Variants in SEC24B observed in about 807,000 individuals in gnomAD.
The protein encoded by SEC24B is SEC24 homolog B, COPII component.
SEC24B carries 45 observed loss-of-function variants against 142.8 expected under a neutral mutation model. That is an observed-to-expected ratio of 0.32 (90% CI 0.25 to 0.40). The LOEUF is 0.40. Among genes scored for constraint, SEC24B ranks in the 10% least tolerant of loss-of-function variants. The probability of loss-of-function intolerance (pLI) is 1.00; values close to 1 mark genes in which losing one functional copy is unlikely to be tolerated. For missense variants in SEC24B, 1,409 were observed against 1,526.8 expected, an observed-to-expected ratio of 0.92 and a Z score of 1.29; for synonymous variants, 574 against 568.2, an observed-to-expected ratio of 1.01 and a Z score of -0.15.
chr4:109,514,220 C>T (rs1469383290), intron 10 of SEC24B, among the ~76,000 whole-genome samples: 1 of 152,090 alleles, frequency 6.6e-6, no homozygotes, highest in African/African-American at 2.4e-5. Context: ...AGTTTTTTCA[C>T]CAAGATACCA....
intron 3 of SEC24B, among the ~76,000 whole-genome samples, chr4:109,478,051 G>A (rs1383192923): frequency 1.3e-5 from 2 of 152,152 alleles, no homozygotes; most frequent in Non-Finnish European, 2.9e-5. Context: ...GGAGGCAAAG[G>A]TGGGTGGATC....
At chr4:109,434,283 C>A (rs1435306035) in intron 1 of SEC24B, among the ~76,000 whole-genome samples, 5 of 152,102 alleles carry the variant, frequency 3.3e-5, no homozygotes, top group Non-Finnish European at 1.5e-5. Context: ...GTAATGCGAC[C>A]CCAGGCCCGA....
At chr4:109,476,054 T>G (rs1733102044) in intron 3 of SEC24B, among the ~76,000 whole-genome samples, 1 of 151,800 alleles carries the variant, frequency 6.6e-6, no homozygotes, top group Non-Finnish European at 1.5e-5. Context: ...TGGCATGATC[T>G]TGGGTCACTG....
intron 6 of SEC24B, among the ~76,000 whole-genome samples, chr4:109,496,708 G>A (rs1225259391): frequency 6.6e-6 from 1 of 152,170 alleles, no homozygotes; most frequent in African/African-American, 2.4e-5. Flanking sequence ...TAGAACTAAA[G>A]TACAGAGGAA....
intron 1 of SEC24B, among the ~76,000 whole-genome samples, chr4:109,462,575 G>C (rs1731375896): frequency 6.6e-6 from 1 of 152,072 alleles, no homozygotes; most frequent in African/African-American, 2.4e-5. Context: ...CTTTCAGACT[G>C]GGGTATCTGA....
Position 109,512,028 on chromosome 4 carries a change from A to G in SEC24B, c.1848A>G (p.Val616=), listed in dbSNP as rs201330028. The G allele has an allele frequency of 6.2e-7, 1 of 1,613,308 alleles. No homozygotes were observed. Among genetic ancestry groups the G allele is most frequent in the Non-Finnish European group, 8.5e-7 (1 of 1,179,412 alleles). Residue 616 remains valine, a synonymous_variant, in exon 9 of 24, where the codon GTA becomes GTG. Transcript: ENST00000265175. ...RSCRTYINPF[V]SFIDQRRWKC... ...GTCGAACGTATATTAACCCCTTTGT[A>G]TCCTTCATTGATCAACGTAGATGGA...
Position 109,538,621 on chromosome 4 carries a change from T to C in SEC24B, c.3692+25T>C, listed in dbSNP as rs571789667. 14 of 1,423,816 alleles carry C rather than the reference T, an allele frequency of 9.8e-6. No individual in the cohort carries two copies. The African/African-American group carries it at 1.7e-4, about 17-fold the overall frequency. 88.2% of individuals were successfully genotyped at this position (1,423,816 alleles called of 1,614,324 possible). A position where few individuals can be genotyped will look rare whatever the true frequency, so the allele number is the denominator to read the frequency against. ...AGTAAGTACTTTTGTAACTTAATTATGAAGTTGTCTTTCCTATGTAGTCTG... is the reference window on the plus strand; with the variant it reads ...AGTAAGTACTTTTGTAACTTAATTACGAAGTTGTCTTTCCTATGTAGTCTG... On this transcript the variant is annotated intron_variant, in intron 23 of 23. Transcript: ENST00000265175.
chr4:109,468,809 T>G (rs960137821), intron 2 of SEC24B, among the ~76,000 whole-genome samples: 3 of 152,188 alleles, frequency 2.0e-5, no homozygotes, highest in African/African-American at 7.2e-5. Flanking sequence ...TTGAACAACT[T>G]GAATGGGTAG....
chr4:109,434,271 A>C (rs1310574164), intron 1 of SEC24B, among the ~76,000 whole-genome samples: 1 of 152,030 alleles, frequency 6.6e-6, no homozygotes, highest in South Asian at 2.1e-4. Flanking sequence ...GTGGCTGTTT[A>C]TGTAATGCGA....
chr4:109,479,997 T>G (rs570576662), intron 3 of SEC24B, among the ~76,000 whole-genome samples: 14 of 152,296 alleles, frequency 9.2e-5, no homozygotes, highest in African/African-American at 3.4e-4. Flanking sequence ...TTACATTGAT[T>G]TTATTTTATT....
intron 3 of SEC24B, among the ~76,000 whole-genome samples, chr4:109,481,108 GC>G (rs1045759761): frequency 6.6e-6 from 1 of 151,602 alleles, no homozygotes; most frequent in South Asian, 2.1e-4. Flanking sequence ...AAGTCCCCCA[GC>G]CCCCCGTCCC....
In SEC24B at chr4:109,517,885, G is replaced by A. The variant is rs185489008; in HGVS notation, c.2126+1245G>A. On this transcript the variant is annotated intron_variant, in intron 11 of 23. Coordinates refer to ENST00000265175, the MANE Select transcript of SEC24B (RefSeq NM_006323.5). ...AATGAGCTGGTTTAAAGGGAAGGAG[G>A]GAACTGATTTTGTGCTAAATATGTT... Among the ~76,000 whole-genome samples the A allele has an allele frequency of 2.6e-5, 4 of 152,208 alleles. No homozygotes were observed. In the East Asian group the frequency reaches 7.7e-4, roughly 29 times the overall value.
At chr4:109,533,292 C>T (rs1422756062) in intron 21 of SEC24B, among the ~76,000 whole-genome samples, 2 of 152,068 alleles carry the variant, frequency 1.3e-5, no homozygotes, top group African/African-American at 2.4e-5. Context: ...AATACACAGA[C>T]AGTAATGAAA....
At chr4:109,460,308 A>T (rs1463302335) in intron 1 of SEC24B, among the ~76,000 whole-genome samples, 1 of 152,172 alleles carries the variant, frequency 6.6e-6, no homozygotes, top group Non-Finnish European at 1.5e-5. Context: ...ATACATTATT[A>T]TGGCAAGGAG....
chr4:109,453,159 C>G (rs528080809), intron 1 of SEC24B, among the ~76,000 whole-genome samples: 4 of 152,262 alleles, frequency 2.6e-5, no homozygotes, highest in African/African-American at 9.6e-5. Context: ...AGATCCCATG[C>G]TTTAAGGGCA....
At chr4:109,461,282 G>C (rs534847263) in intron 1 of SEC24B, among the ~76,000 whole-genome samples, 1 of 152,272 alleles carries the variant, frequency 6.6e-6, no homozygotes, top group East Asian at 1.9e-4. Context: ...TTATTGATGG[G>C]AGGTATAAAT....
intron 3 of SEC24B, among the ~76,000 whole-genome samples, chr4:109,475,742 C>G (rs567522136): frequency 6.6e-6 from 1 of 151,990 alleles, no homozygotes; most frequent in African/African-American, 2.4e-5. Flanking sequence ...CACAAATACC[C>G]CTTCTTTAAC....
chr4:109,433,990 C>T lies in SEC24B; in HGVS notation c.121C>T (p.His41Tyr). ...PAGPGAGPAP[H>Y]QQNGPAQNQM... is the part of the protein sequence containing the mutation. ...GGGCCCGGGTGCGGGCCCGGCGCCG[C>T]ACCAGCAGAACGGTGAGGCGGGCGG... The change falls in exon 1 of 24, where the codon CAC (histidine) becomes TAC (tyrosine). Residue 41 changes from histidine to tyrosine, a missense_variant. Transcript: ENST00000265175. The T allele has an allele frequency of 8.4e-7, 1 of 1,189,904 alleles. No homozygotes were observed. The highest frequency in any genetic ancestry group is 1.0e-6 in the Non-Finnish European group (1 of 962,606). The allele number at this position is 1,189,904 out of a possible 1,614,324, so 73.7% of individuals were successfully genotyped here.
intron 6 of SEC24B, among the ~76,000 whole-genome samples, chr4:109,499,034 A>C (rs536755280): frequency 6.6e-5 from 10 of 152,184 alleles, no homozygotes; most frequent in Non-Finnish European, 1.5e-4. Context: ...AGTGAGATCA[A>C]TTAGAGAAAA....
Sources: gnomAD v4.1 joint callset for allele counts (sites outside exome capture counted in the v4.1 genomes callset) on GRCh38, gnomAD v4.1.1 for gene constraint, MANE v1.5 for transcripts, NCBI Gene and HGNC (gene_info 2026-07-23, HGNC 2026-07-21) for gene names.